OVOL1: variants seen among roughly 807,000 people sequenced by gnomAD.
OVOL1 encodes the protein putative transcription factor Ovo-like 1.
In OVOL1, 10 loss-of-function variants were observed where a neutral mutation model predicts 21.5. The observed-to-expected ratio is 0.46, with a 90% CI of 0.29 to 0.79. OVOL1 has a LOEUF of 0.79. Among genes scored for constraint, OVOL1 ranks in the 30% least tolerant of loss-of-function variants. The probability of loss-of-function intolerance (pLI) is 0.10; values close to 1 mark genes in which losing one functional copy is unlikely to be tolerated. For missense variants in OVOL1, 279 were observed against 362.3 expected, an observed-to-expected ratio of 0.77 and a Z score of 1.87; for synonymous variants, 129 against 150.3, an observed-to-expected ratio of 0.86 and a Z score of 1.03.
chr11:65,794,434 ACCCT>A (rs1858086774), intron 2 of OVOL1, 100 bp from the exon 3 acceptor site: 2 of 1,210,260 alleles, frequency 1.7e-6, no homozygotes, highest in African/African-American at 3.0e-5. Context: ...GGTGGGCACC[ACCCT>A]CCTCAGGGAC....
In OVOL1 at chr11:65,794,864, C is replaced by T. The variant is rs888402710; in HGVS notation, c.508+137C>T. 4.9e-6 allele frequency: 5 copies of T among 1,016,014 alleles called. No homozygotes were observed. In the South Asian group the frequency reaches 7.4e-5, roughly 15 times the overall value. 62.9% of individuals were successfully genotyped at this position (1,016,014 alleles called of 1,614,324 possible). A position where few individuals can be genotyped will look rare whatever the true frequency, so the allele number is the denominator to read the frequency against. ...CATCCCGGAGCTCAGGGCCAAAGTC[C>T]TCCTGAGCTCATCAGTTAGGAGTTT... On this transcript the variant is annotated intron_variant, in intron 3 of 3. Coordinates refer to ENST00000335987, the MANE Select transcript of OVOL1 (RefSeq NM_004561.4).
Position 65,794,665 on chromosome 11 carries a change from C to A in OVOL1, c.446C>A (p.Thr149Lys). ...CHNDVKRHLC[T>K]YCGKGFNDTF... The stretch of plus-strand genomic sequence containing the variant: ...AACGACGTCAAGAGGCACCTCTGCA[C>A]GTACTGCGGGAAGGGCTTCAATGAC... Residue 149 changes from threonine (T) to lysine (K), a missense_variant, in exon 3 of 4, where the codon ACG (threonine) becomes AAG (lysine). Physicochemically the swap from Thr to Lys is moderately conservative, Grantham distance 78. Transcript: ENST00000335987. 1 of 1,613,778 alleles carries A rather than the reference C, an allele frequency of 6.2e-7. No homozygotes were observed. The highest frequency in any genetic ancestry group is 2.2e-5 in the East Asian group (1 of 44,892).
At position 65,791,942 on chromosome 11, in the gene OVOL1, G is replaced by T. The variant is rs186795856; in HGVS notation, c.101-2089G>T. On this transcript the variant is annotated intron_variant, in intron 1 of 3. Transcript: ENST00000335987. The stretch of plus-strand genomic sequence containing the variant: ...GCCAGTGTGCACTCCCTGTGCGTGT[G>T]GCCGCAGAAGGGACACGCTCATGGG... Among the ~76,000 whole-genome samples the T allele has an allele frequency of 2.0e-5, 3 of 152,384 alleles. No individual in the cohort carries two copies. The East Asian group carries it at 5.8e-4, about 29-fold the overall frequency.
rs760433731 is a variant in OVOL1, at chr11:65,795,891, CAT to C, written c.*551_*552del. The C allele has an allele frequency of 6.2e-4, 109 of 175,444 alleles. No individual in the cohort carries two copies. The highest frequency in any genetic ancestry group is 8.7e-4 in the African/African-American group (37 of 42,518). 10.9% of individuals were successfully genotyped at this position (175,444 alleles called of 1,614,324 possible). A position where few individuals can be genotyped will look rare whatever the true frequency, so the allele number is the denominator to read the frequency against. On this transcript the variant is annotated 3_prime_UTR_variant, in exon 4 of 4. Coordinates refer to ENST00000335987, the MANE Select transcript of OVOL1 (RefSeq NM_004561.4). The surrounding 1 kb of genome is among the most constrained non-coding windows in gnomAD (Gnocchi z 5.7). ...TGTCCTTCCGGCAAGGAGAGGCACA[CAT>C]GTGTGCCCAGCCGTGTGTGTGCGTG...
rs142142282 is a variant in OVOL1, at chr11:65,794,071, G to A, written c.141G>A (p.Pro47=). Residue 47 remains proline (P), a synonymous_variant, in exon 2 of 4, where the codon CCG becomes CCA. Coordinates refer to ENST00000335987, the MANE Select transcript of OVOL1 (RefSeq NM_004561.4). ...GFCPPQPYRE[P]EPSVAEPPSC... ...GCCCACCACAGCCCTACCGGGAGCCGGAACCCTCTGTGGCCGAACCCCCTT... is the reference window on the plus strand; with the variant it reads ...GCCCACCACAGCCCTACCGGGAGCCAGAACCCTCTGTGGCCGAACCCCCTT... The A allele has an allele frequency of 1.4e-4, 226 of 1,614,040 alleles. No individual in the cohort carries two copies. Among genetic ancestry groups the A allele is most frequent in the East Asian group, 7.4e-4 (33 of 44,884 alleles).
chr11:65,793,228 C>G (rs1215252328), intron 1 of OVOL1, among the ~76,000 whole-genome samples: 2 of 152,220 alleles, frequency 1.3e-5, no homozygotes, highest in Non-Finnish European at 2.9e-5. Context: ...GCCAAGCCTC[C>G]CCGGCCCGTT....
intron 1 of OVOL1, chr11:65,789,237 G>T: frequency 3.6e-6 from 1 of 281,684 alleles, no homozygotes; most frequent in Non-Finnish European, 5.4e-6. Flanking sequence ...CACAGTGGAA[G>T]TGGCAGGGGA....
At chr11:65,793,977 C>A in intron 1 of OVOL1, 54 bp from the exon 2 acceptor site, 2 of 1,475,658 alleles carry the variant, frequency 1.4e-6, no homozygotes, top group Non-Finnish European at 1.9e-6. Flanking sequence ...TTCCAGAAAC[C>A]CGCTGGACCC....
In OVOL1 at chr11:65,788,529, C is replaced by T. The variant is rs542304076; in HGVS notation, c.100+1056C>T. The T allele has an allele frequency of 1.1e-4, 104 of 985,332 alleles. No homozygotes were observed. The Middle Eastern group carries it at 1.6e-3, about 15-fold the overall frequency. The allele number at this position is 985,332 out of a possible 1,614,324, so 61.0% of individuals were successfully genotyped here. On this transcript the variant is annotated intron_variant, in intron 1 of 3. Transcript: ENST00000335987. ...ACTTTGACCCTTGATCTGCAGACTC[C>T]CTGGCACCGCCCCAGGCCTTGTAGG...
chr11:65,795,438 C>A lies in OVOL1; in HGVS notation c.*97C>A. Reference sequence around the variant, plus strand: ...GCCCACCCTCCTGCAACCTCTCACCCGAACACCAGTGATCAGGACTGGAGC... The same window carrying A: ...GCCCACCCTCCTGCAACCTCTCACCAGAACACCAGTGATCAGGACTGGAGC... On this transcript the variant is annotated 3_prime_UTR_variant, in exon 4 of 4. Coordinates refer to ENST00000335987, the MANE Select transcript of OVOL1 (RefSeq NM_004561.4). This position sits in a 1 kb window ranked among gnomAD's most constrained non-coding sequence, Gnocchi z 5.7. 1 of 1,148,970 alleles carries A rather than the reference C, an allele frequency of 8.7e-7. No individual in the cohort carries two copies. Among genetic ancestry groups the A allele is most frequent in the South Asian group, 1.5e-5 (1 of 68,376 alleles). 71.2% of individuals were successfully genotyped at this position (1,148,970 alleles called of 1,614,324 possible).
Position 65,787,151 on chromosome 11 carries a change from T to G in OVOL1, c.-223T>G, listed in dbSNP as rs1354328525. 2.3e-6 allele frequency: 1 copy of G among 433,244 alleles called. No homozygotes were observed. Among genetic ancestry groups the G allele is most frequent in the Non-Finnish European group, 4.3e-6 (1 of 232,758 alleles). The allele number at this position is 433,244 out of a possible 1,614,324, so 26.8% of individuals were successfully genotyped here. On this transcript the variant is annotated 5_prime_UTR_variant, in exon 1 of 4. Coordinates refer to ENST00000335987, the MANE Select transcript of OVOL1 (RefSeq NM_004561.4). ...GCTTCCCCGCGCCGCCCGGTGCACC[T>G]GGCCGCAAGGGACCTCGTTCTCAGG...
intron 1 of OVOL1, chr11:65,790,759 T>C (rs1351521149): frequency 6.6e-6 from 1 of 152,318 alleles, no homozygotes; most frequent in Non-Finnish European, 1.5e-5. Context: ...ATGAGACTCC[T>C]ACCTGTCCCC....
intron 1 of OVOL1, among the ~76,000 whole-genome samples, chr11:65,792,628 C>T (rs904892190): frequency 2.6e-5 from 4 of 152,210 alleles, no homozygotes; most frequent in African/African-American, 2.4e-5. Context: ...CGGGGCCAGG[C>T]GCTGGTGAAT....
intron 3 of OVOL1, 51 bp downstream of exon 3, chr11:65,794,778 G>A (rs1418091863): frequency 9.5e-6 from 15 of 1,572,790 alleles, no homozygotes; most frequent in African/African-American, 2.7e-5. Flanking sequence ...GCCTGGCCGC[G>A]GCCGTGCGGG....
chr11:65,793,747 A>G, intron 1 of OVOL1: 1 of 502,336 alleles, frequency 2.0e-6, no homozygotes, highest in Non-Finnish European at 3.6e-6. Flanking sequence ...CAGGCAGAAA[A>G]CTCCGGAGGG....
At chr11:65,791,588 C>G (rs925141229) in intron 1 of OVOL1, among the ~76,000 whole-genome samples, 5 of 152,240 alleles carry the variant, frequency 3.3e-5, no homozygotes, top group African/African-American at 1.2e-4. Context: ...CTTACAGAGG[C>G]CAAGGCAGGA....
At chr11:65,793,293 G>C (rs568426552) in intron 1 of OVOL1, among the ~76,000 whole-genome samples, 4 of 152,316 alleles carry the variant, frequency 2.6e-5, no homozygotes, top group South Asian at 2.1e-4. Flanking sequence ...GCCAGGTATC[G>C]GTGCTGCCGC....
At chr11:65,787,864 T>G (rs1469562790) in intron 1 of OVOL1, among the ~76,000 whole-genome samples, 10 of 152,150 alleles carry the variant, frequency 6.6e-5, no homozygotes, top group Non-Finnish European at 1.3e-4. Context: ...GAGAAGGCAC[T>G]GGAGCGATGC....
chr11:65,793,683 C>A (rs902594577), intron 1 of OVOL1: 4 of 359,420 alleles, frequency 1.1e-5, no homozygotes, highest in Non-Finnish European at 2.1e-5. Context: ...TGCCCTTTGT[C>A]CCTGCAGGAG....
Sources: gnomAD v4.1 joint callset for allele counts (sites outside exome capture counted in the v4.1 genomes callset) on GRCh38, gnomAD v4.1.1 for gene constraint, Gnocchi (gnomAD v3.1) non-coding constraint, MANE v1.5 for transcripts, NCBI Gene and HGNC (gene_info 2026-07-23, HGNC 2026-07-21) for gene names.